Variants in CRNKL1 observed in about 807,000 individuals in gnomAD.
CRNKL1 encodes crooked neck pre-mRNA splicing factor 1, also known as crooked neck-like protein 1.
CRNKL1 carries 35 observed loss-of-function variants against 103.7 expected under a neutral mutation model. The observed-to-expected ratio is 0.34, with a 90% confidence interval of 0.26 to 0.45. CRNKL1 has a LOEUF of 0.45. Ranked by LOEUF, CRNKL1 falls within the 20% of genes least tolerant of loss-of-function variation. The probability of loss-of-function intolerance (pLI) is 1.00; values close to 1 mark genes in which losing one functional copy is unlikely to be tolerated. For missense variants in CRNKL1, 645 were observed against 836.0 expected (o/e 0.77, Z 2.82); for synonymous variants, 267 against 282.6 (o/e 0.94, Z 0.55).
chr20:20,043,856 A>G (rs1290677551), intron 6 of CRNKL1, among the ~76,000 whole-genome samples, 194 bp from the exon 7 acceptor site: 2 of 152,096 alleles, frequency 1.3e-5, no homozygotes, highest in Non-Finnish European at 2.9e-5. Context: ...TTTGAGCTCC[A>G]TATTTAATAC....
At chr20:20,049,285 G>T in intron 3 of CRNKL1, 55 bp downstream of exon 3, 4 of 976,734 alleles carry the variant, frequency 4.1e-6, no homozygotes, top group Middle Eastern at 3.3e-4. Flanking sequence ...TTTCTTTTTG[G>T]TATCTGTTAA....
At position 20,035,799 on chromosome 20, in the gene CRNKL1, T is replaced by C. The variant is rs1358103899; in HGVS notation, c.*396A>G. On this transcript the variant is annotated 3_prime_UTR_variant, in exon 14 of 14. Transcript: ENST00000536226. ...AAATGAAAATTAAGTTATATAATCA[T>C]GAGTGGCAGAGCTGGGAAATGAACT... is the stretch of plus-strand genomic sequence containing the variant. The C allele has an allele frequency of 1.2e-5, 2 of 160,304 alleles. No homozygotes were observed. Among genetic ancestry groups the C allele is most frequent in the East Asian group, 1.8e-4 (1 of 5,430 alleles). The allele number at this position is 160,304 out of a possible 1,614,324, so 9.9% of individuals were successfully genotyped here.
At chr20:20,039,065 G>T (rs1012477783) in intron 11 of CRNKL1, among the ~76,000 whole-genome samples, 2 of 152,244 alleles carry the variant, frequency 1.3e-5, no homozygotes, top group Non-Finnish European at 2.9e-5. Context: ...GGTCATGTTA[G>T]TGCATGAGAT....
chr20:20,050,416 C>T (rs1377787481), intron 2 of CRNKL1, 54 bp downstream of exon 2: 1 of 1,520,728 alleles, frequency 6.6e-7, no homozygotes, highest in Non-Finnish European at 8.9e-7. Context: ...GCTTTTCAAA[C>T]TGACCGATAC....
chr20:20,035,780 A>AAAT lies in CRNKL1; in HGVS notation c.*412_*414dup, dbSNP rs1214757002. The AAAT allele has an allele frequency of 6.4e-6, 1 of 156,340 alleles. No individual in the cohort carries two copies. The highest frequency in any genetic ancestry group is 2.4e-5 in the African/African-American group (1 of 41,496). 9.7% of individuals were successfully genotyped at this position (156,340 alleles called of 1,614,324 possible). On this transcript the variant is annotated 3_prime_UTR_variant, in exon 14 of 14. Coordinates refer to ENST00000536226, the MANE Select transcript of CRNKL1 (RefSeq NM_001278628.2). ...CCCATTTTGTGAATGAGGAAAATGA[A>AAAT]AATTAAGTTATATAATCATGAGTGG...
intron 13 of CRNKL1, among the ~76,000 whole-genome samples, chr20:20,036,970 C>T (rs1270521081): frequency 2.0e-5 from 3 of 152,188 alleles, no homozygotes; most frequent in Non-Finnish European, 4.4e-5. Flanking sequence ...CACCAAACTC[C>T]TTCTTACCGC....
In CRNKL1 at chr20:20,040,691, C is replaced by G. The variant is rs139899512; in HGVS notation, c.1300G>C (p.Ala434Pro). ...TTGATCCTTTCTTTACTTACCAATG[C>G]TCTTCTGGCTAATGACAGATTCTTC... ...RQKNLSLARR[A>P]LGTSIGKCPK... Residue 434 changes from alanine to proline, a missense_variant, in exon 10 of 14, where the codon GCA becomes CCA. Transcript: ENST00000536226. 88 of 1,607,846 alleles carry G rather than the reference C, an allele frequency of 5.5e-5. No homozygotes were observed. The highest frequency in any genetic ancestry group is 7.0e-5 in the Non-Finnish European group (82 of 1,176,588).
chr20:20,036,055 TAAA>T lies in CRNKL1; in HGVS notation c.*137_*139del. On this transcript the variant is annotated 3_prime_UTR_variant, in exon 14 of 14. Transcript: ENST00000536226. ...TACCCCTAGCTAACCCAAGAGCATT[TAAA>T]AAATAACTTAAAAAGTAGCCATCAA... 1 of 894,180 alleles carries T rather than the reference TAAA, an allele frequency of 1.1e-6. No homozygotes were observed. The highest frequency in any genetic ancestry group is 1.6e-6 in the Non-Finnish European group (1 of 612,738). The allele number at this position is 894,180 out of a possible 1,614,324, so 55.4% of individuals were successfully genotyped here. A position where few individuals can be genotyped will look rare whatever the true frequency, so the allele number is the denominator to read the frequency against.
In CRNKL1 at chr20:20,045,466, C is replaced by T; in HGVS notation, c.643G>A (p.Val215Ile). 2 of 1,610,156 alleles carry T rather than the reference C, an allele frequency of 1.2e-6. No homozygotes were observed. The highest frequency in any genetic ancestry group is 1.7e-6 in the Non-Finnish European group (2 of 1,178,128). ...CGGGCATACTTGATCCAGTTCTTAA[C>T]ATCAGGGTGCACGAGGACAAGTGCA... Reference protein sequence around the residue: ...YERFVLVHPDVKNWIKYARFE... With the variant: ...YERFVLVHPDIKNWIKYARFE... Residue 215 changes from valine (V) to isoleucine (I), a missense_variant, in exon 6 of 14, where the codon GTT (valine) becomes ATT (isoleucine). By Grantham distance (29) the Val-to-Ile change is conservative. This residue lies in a region of CRNKL1 where 582 missense variants were observed against 707.7 expected (regional missense o/e 0.82). Coordinates refer to ENST00000536226, the MANE Select transcript of CRNKL1 (RefSeq NM_001278628.2).
rs1479366428 is a variant in CRNKL1 at position 20,036,012 on chromosome 20, T to A, written c.*183A>T. On this transcript the variant is annotated 3_prime_UTR_variant, in exon 14 of 14. Coordinates refer to ENST00000536226, the MANE Select transcript of CRNKL1 (RefSeq NM_001278628.2). ...AAAACAAATCCAGCAGTTAAAAAAG[T>A]CCTTTACTTGCAATCCCTACCCCTA... The A allele has an allele frequency of 1.7e-6, 1 of 594,410 alleles. No homozygotes were observed. Among genetic ancestry groups the A allele is most frequent in the African/African-American group, 1.9e-5 (1 of 53,354 alleles). 36.8% of individuals were successfully genotyped at this position (594,410 alleles called of 1,614,324 possible).
At chr20:20,055,892 G>T, upstream of CRNKL1, 1 of 1,316,198 alleles carries the variant, frequency 7.6e-7, no homozygotes. Context: ...AGAGAGAAGA[G>T]AGACTTACAG....
chr20:20,040,972 A>G (rs1169002671), intron 9 of CRNKL1, among the ~76,000 whole-genome samples: 1 of 152,202 alleles, frequency 6.6e-6, no homozygotes, highest in African/African-American at 2.4e-5. Flanking sequence ...TCCAGATACT[A>G]TATTGTACTG....
At chr20:20,041,534 G>C in intron 9 of CRNKL1, 32 bp downstream of exon 9, 1 of 1,550,596 alleles carries the variant, frequency 6.4e-7, no homozygotes, top group Non-Finnish European at 8.9e-7. Flanking sequence ...ATTCTGACCT[G>C]TTTGAAATGG....
rs1017171042 is a variant in CRNKL1 at position 20,047,732 on chromosome 20, C to T, written c.622+33G>A. 4 of 1,597,736 alleles carry T rather than the reference C, an allele frequency of 2.5e-6. No individual in the cohort carries two copies. In the African/African-American group the frequency reaches 5.4e-5, roughly 21 times the overall value. Reference sequence around the variant, plus strand: ...GAGCAGCAGCAGCATCCAGGACAATCATGGCACCATACAGATCTCGTCCAA... The same window carrying T: ...GAGCAGCAGCAGCATCCAGGACAATTATGGCACCATACAGATCTCGTCCAA... On this transcript the variant is annotated intron_variant, in intron 5 of 13. Coordinates refer to ENST00000536226, the MANE Select transcript of CRNKL1 (RefSeq NM_001278628.2).
rs1273339853 is a variant in CRNKL1 at position 20,047,751 on chromosome 20, C to T, written c.622+14G>A. The T allele has an allele frequency of 1.8e-5, 29 of 1,611,214 alleles. No homozygotes were observed. Among genetic ancestry groups the T allele is most frequent in the South Asian group, 2.2e-5 (2 of 90,864 alleles). ...GACAATCATGGCACCATACAGATCT[C>T]GTCCAAAGGATATATCGCTCATAAA... On this transcript the variant is annotated intron_variant, in intron 5 of 13. Transcript: ENST00000536226.
chr20:20,042,822 G>T (rs976967493), intron 7 of CRNKL1, among the ~76,000 whole-genome samples: 2 of 152,196 alleles, frequency 1.3e-5, no homozygotes, highest in African/African-American at 4.8e-5. Context: ...GCTTAAATAT[G>T]TGACTATGTA....
chr20:20,036,843 A>G (rs2043426425), intron 13 of CRNKL1, among the ~76,000 whole-genome samples: 2 of 152,156 alleles, frequency 1.3e-5, no homozygotes, highest in South Asian at 4.1e-4. Flanking sequence ...TGCTCAGCTT[A>G]TAAAAACTGC....
At position 20,034,932 on chromosome 20, in the gene CRNKL1, T is replaced by C. The variant is rs1361204807; in HGVS notation, c.*1263A>G. ...TTTTAGGGGAAAACAACCTTAAAAA[T>C]ACAGTTCTAGTCCTTGGGCAGTGAA... On this transcript the variant is annotated 3_prime_UTR_variant, in exon 14 of 14. Transcript: ENST00000536226. 3 of 152,204 alleles carry C rather than the reference T, an allele frequency of 2.0e-5. No individual in the cohort carries two copies. Among genetic ancestry groups the C allele is most frequent in the Admixed American group, 6.5e-5 (1 of 15,286 alleles). 9.4% of individuals were successfully genotyped at this position (152,204 alleles called of 1,614,324 possible).
At position 20,035,096 on chromosome 20, in the gene CRNKL1, T is replaced by C. The variant is rs928876951; in HGVS notation, c.*1099A>G. 5 of 152,204 alleles carry C rather than the reference T, an allele frequency of 3.3e-5. No individual in the cohort carries two copies. The highest frequency in any genetic ancestry group is 6.5e-5 in the Admixed American group (1 of 15,280). 9.4% of individuals were successfully genotyped at this position (152,204 alleles called of 1,614,324 possible). A position where few individuals can be genotyped will look rare whatever the true frequency, so the allele number is the denominator to read the frequency against. On this transcript the variant is annotated 3_prime_UTR_variant, in exon 14 of 14. Transcript: ENST00000536226. ...CATTCTTGTGCTACTCTTCATTATT[T>C]AGCATAGAGCTACCTTAGGTGTTTC...
Sources: gnomAD v4.1 joint callset for allele counts (sites outside exome capture counted in the v4.1 genomes callset) on GRCh38, gnomAD v4.1.1 for gene constraint, gnomAD v4.1.1 regional missense constraint, MANE v1.5 for transcripts, NCBI Gene and HGNC (gene_info 2026-07-23, HGNC 2026-07-21) for gene names.